URI1: variants seen among roughly 807,000 people sequenced by gnomAD.
URI1 encodes unconventional prefoldin RPB5 interactor 1.
A neutral mutation model predicts 60.2 loss-of-function variants in URI1; 39 were observed. The ratio of observed to expected loss-of-function variants is 0.65; its 90% CI spans 0.50 to 0.85. URI1 has a LOEUF of 0.85. URI1 is among the 40% of genes least tolerant of loss of function. URI1 has a pLI of 0.00. For missense variants in URI1, 691 were observed against 665.9 expected (o/e 1.04, Z -0.42); for synonymous variants, 251 against 236.8 (o/e 1.06, Z -0.55).
chr19:29,963,435 G>T (rs335002), intron 1 of URI1, among the ~76,000 whole-genome samples: 145,440 of 152,242 alleles, frequency 0.96, 69,491 homozygotes, highest in East Asian at 1. Flanking sequence ...AATTTTCATT[G>T]GTTTCTTCCT....
chr19:29,987,010 C>G (rs1351298795), intron 4 of URI1, among the ~76,000 whole-genome samples: 1 of 152,070 alleles, frequency 6.6e-6, no homozygotes, highest in Admixed American at 6.6e-5. Flanking sequence ...TTTATCCGTG[C>G]TATTATCTGT....
chr19:29,971,868 C>G (rs1017353006), intron 2 of URI1, among the ~76,000 whole-genome samples: 1 of 151,900 alleles, frequency 6.6e-6, no homozygotes, highest in Admixed American at 6.6e-5. Context: ...TTACAGATAT[C>G]AAATTACAAT....
chr19:29,994,035 AATGCT>A (rs1224791514), intron 4 of URI1, among the ~76,000 whole-genome samples: 1 of 151,592 alleles, frequency 6.6e-6, no homozygotes, highest in African/African-American at 2.4e-5. Flanking sequence ...TGTTAAAATC[AATGCT>A]GCAGTGAATA....
At chr19:29,971,494 A>T (rs1175324380) in intron 2 of URI1, among the ~76,000 whole-genome samples, 1 of 151,908 alleles carries the variant, frequency 6.6e-6, no homozygotes, top group Non-Finnish European at 1.5e-5. Context: ...TATTAATATC[A>T]TTATGAATTG....
At chr19:29,985,844 T>A (rs531304819) in intron 3 of URI1, among the ~76,000 whole-genome samples, 1 of 152,222 alleles carries the variant, frequency 6.6e-6, no homozygotes, top group Admixed American at 6.5e-5. Flanking sequence ...GCTAGATAGA[T>A]CCATTAAAGC....
At chr19:29,991,837 T>C (rs896713651) in intron 4 of URI1, among the ~76,000 whole-genome samples, 1 of 152,196 alleles carries the variant, frequency 6.6e-6, no homozygotes, top group African/African-American at 2.4e-5. Flanking sequence ...TTTTGTCCAG[T>C]GTATTTTCTG....
chr19:30,011,887 G>A (rs2056025001), intron 9 of URI1, among the ~76,000 whole-genome samples: 1 of 143,634 alleles, frequency 7.0e-6, no homozygotes, highest in South Asian at 2.3e-4. Flanking sequence ...ACCACACACC[G>A]GGGTCTGTCA....
chr19:29,949,790 A>G (rs906046504), intron 1 of URI1, among the ~76,000 whole-genome samples: 2 of 152,126 alleles, frequency 1.3e-5, no homozygotes, highest in Admixed American at 1.3e-4. Flanking sequence ...CGCGCCTGCA[A>G]TCCCAGGCAC....
intron 1 of URI1, 131 bp downstream of exon 1, chr19:29,942,795 C>T: frequency 8.9e-7 from 1 of 1,123,092 alleles, no homozygotes; most frequent in Non-Finnish European, 1.1e-6. Flanking sequence ...AAACTTTTGT[C>T]ACGTGCTTCT....
chr19:30,011,282 T>C lies in URI1; in HGVS notation c.1178+46T>C, dbSNP rs547358947. ...CAGGGCAGTCTGCTGGGCTTGCCTC[T>C]CTTTCTGCCACTGAACCTTTACTGG... is the stretch of plus-strand genomic sequence containing the variant. On this transcript the variant is annotated intron_variant, in intron 9 of 10. Coordinates refer to ENST00000392271, the MANE Select transcript of URI1 (RefSeq NM_003796.3). The C allele has an allele frequency of 2.6e-6, 4 of 1,546,812 alleles. No individual in the cohort carries two copies. The South Asian group carries it at 4.9e-5, about 19-fold the overall frequency.
At chr19:29,975,573 G>A (rs564026263) in intron 2 of URI1, among the ~76,000 whole-genome samples, 2 of 149,286 alleles carry the variant, frequency 1.3e-5, no homozygotes, top group Non-Finnish European at 3.0e-5. Context: ...GCATGGTTTC[G>A]GCTCACTGCA....
At chr19:29,951,109 C>A (rs1287720045) in intron 1 of URI1, among the ~76,000 whole-genome samples, 2 of 152,176 alleles carry the variant, frequency 1.3e-5, no homozygotes, top group Non-Finnish European at 2.9e-5. Context: ...CACACACACA[C>A]ATACACGCGT....
At chr19:30,014,589 G>A (rs898526966) in intron 10 of URI1, among the ~76,000 whole-genome samples, 2 of 152,282 alleles carry the variant, frequency 1.3e-5, no homozygotes, top group Non-Finnish European at 2.9e-5. Context: ...TGAATGGAAT[G>A]TATGAAAGTT....
At chr19:29,957,241 GTCAA>G (rs1487960332) in intron 1 of URI1, among the ~76,000 whole-genome samples, 1 of 140,732 alleles carries the variant, frequency 7.1e-6, no homozygotes, top group Non-Finnish European at 1.6e-5. Flanking sequence ...AATGCAATAT[GTCAA>G]TCAAATGAAG....
At chr19:29,959,151 A>G (rs1309462729) in intron 1 of URI1, among the ~76,000 whole-genome samples, 1 of 152,142 alleles carries the variant, frequency 6.6e-6, no homozygotes, top group Non-Finnish European at 1.5e-5. Context: ...TTTTTGAAAC[A>G]GAATCTCGCT....
chr19:29,948,794 C>A (rs745561113), intron 1 of URI1, among the ~76,000 whole-genome samples: 2 of 152,228 alleles, frequency 1.3e-5, no homozygotes, highest in Non-Finnish European at 2.9e-5. Flanking sequence ...CACATTTCCC[C>A]CTTTTCTATT....
chr19:29,975,405 T>C (rs888208895), intron 2 of URI1, among the ~76,000 whole-genome samples: 1 of 151,892 alleles, frequency 6.6e-6, no homozygotes, highest in Middle Eastern at 3.2e-3. Context: ...AATGAGACAA[T>C]ACATTTACAT....
At chr19:29,962,598 CTT>C (rs901194908) in intron 1 of URI1, among the ~76,000 whole-genome samples, 4 of 139,572 alleles carry the variant, frequency 2.9e-5, no homozygotes, top group Non-Finnish European at 3.1e-5. Flanking sequence ...CTTTACCCAT[CTT>C]TTTTTTTTTT....
intron 1 of URI1, among the ~76,000 whole-genome samples, chr19:29,960,611 G>T (rs1022623391): frequency 1.7e-4 from 26 of 151,802 alleles, no homozygotes; most frequent in African/African-American, 6.3e-4. Flanking sequence ...TGTTTGTTTT[G>T]TCTATCTTTA....
Sources: gnomAD v4.1 joint callset for allele counts (sites outside exome capture counted in the v4.1 genomes callset) on GRCh38, gnomAD v4.1.1 for gene constraint, MANE v1.5 for transcripts, NCBI Gene and HGNC (gene_info 2026-07-23, HGNC 2026-07-21) for gene names.